The following CHEK2 variants were observed in gnomAD, a reference collection of about 807,000 sequenced individuals.
CHEK2 encodes checkpoint kinase 2, also known as serine/threonine-protein kinase Chk2.
Under a neutral mutation model 69.1 loss-of-function variants are expected in CHEK2, and 71 were observed. That is an observed-to-expected ratio of 1.03 (90% CI 0.85 to 1.25). The LOEUF is 1.25. Ranked by LOEUF, CHEK2 falls within the 50% of genes most tolerant of loss-of-function variation. CHEK2 has a pLI of 0.00. For synonymous variants in CHEK2, 189 were observed against 226.9 expected (o/e 0.83, Z 1.50); for missense variants, 664 against 649.6 (o/e 1.02, Z -0.24).
chr22:28,716,740 T>C (rs774134272), intron 5 of CHEK2, among the ~76,000 whole-genome samples: 1 of 152,212 alleles, frequency 6.6e-6, no homozygotes, highest in Non-Finnish European at 1.5e-5. Context: ...ATGAAGAACA[T>C]TTTGTAATGT....
In CHEK2 at chr22:28,725,259, T is replaced by C. The variant is rs587782300; in HGVS notation, c.428A>G (p.His143Arg). Reference protein sequence around the residue: ...TDKYRTYSKKHFRIFREVGPK... With the variant: ...TDKYRTYSKKRFRIFREVGPK... Reference sequence around the variant, plus strand: ...ATTACCTACCCTGAAAATCCGAAAGTGTTTCTTGCTGTATGTTCGGTATTT... The same window carrying C: ...ATTACCTACCCTGAAAATCCGAAAGCGTTTCTTGCTGTATGTTCGGTATTT... Residue 143 changes from histidine (H) to arginine (R), a missense_variant, in exon 3 of 15, where the codon CAC becomes CGC. Coordinates refer to ENST00000404276, the MANE Select transcript of CHEK2 (RefSeq NM_007194.4). The C allele has an allele frequency of 2.2e-5, 35 of 1,613,994 alleles. No individual in the cohort carries two copies. Among genetic ancestry groups the C allele is most frequent in the Non-Finnish European group, 2.9e-5 (34 of 1,180,030 alleles).
At chr22:28,718,583 T>C (rs1234029445) in intron 5 of CHEK2, among the ~76,000 whole-genome samples, 1 of 152,060 alleles carries the variant, frequency 6.6e-6, no homozygotes, top group Non-Finnish European at 1.5e-5. Flanking sequence ...ATATACACAA[T>C]GAAATACTAT....
intron 2 of CHEK2, among the ~76,000 whole-genome samples, chr22:28,729,599 T>C (rs2054132151): frequency 2.9e-5 from 4 of 139,388 alleles, no homozygotes. Flanking sequence ...TGGTTTAACA[T>C]CTGAAAACCA....
intron 13 of CHEK2, among the ~76,000 whole-genome samples, chr22:28,690,051 AC>A (rs1302207444): frequency 3.3e-5 from 5 of 152,152 alleles, no homozygotes; most frequent in Admixed American, 2.6e-4. Flanking sequence ...CAGAATACAG[AC>A]CCAGAGTTAT....
intron 5 of CHEK2, among the ~76,000 whole-genome samples, chr22:28,713,251 A>C (rs541887102): frequency 6.6e-6 from 1 of 152,300 alleles, no homozygotes; most frequent in East Asian, 1.9e-4. Context: ...CCTTTTGTAA[A>C]TGGTTTCTTC....
intron 1 of CHEK2, chr22:28,737,340 A>C: frequency 2.2e-6 from 1 of 463,040 alleles, no homozygotes; most frequent in Non-Finnish European, 4.4e-6. Flanking sequence ...AGTAAAAGGA[A>C]ACACTTTACA....
At chr22:28,714,811 T>C (rs530903786) in intron 5 of CHEK2, among the ~76,000 whole-genome samples, 2 of 152,306 alleles carry the variant, frequency 1.3e-5, no homozygotes, top group African/African-American at 2.4e-5. Context: ...TTAATTCTTA[T>C]GTATGGTATG....
At chr22:28,701,676 CT>C (rs1259018573) in intron 8 of CHEK2, among the ~76,000 whole-genome samples, 1 of 152,150 alleles carries the variant, frequency 6.6e-6, no homozygotes, top group Non-Finnish European at 1.5e-5. Context: ...GGAAGTTATT[CT>C]GATTACACCA....
intron 7 of CHEK2, among the ~76,000 whole-genome samples, chr22:28,707,078 T>C (rs927886347): frequency 6.6e-6 from 1 of 152,126 alleles, no homozygotes; most frequent in Non-Finnish European, 1.5e-5. Flanking sequence ...TAACAGAGCA[T>C]GAAGAGGTGT....
Position 28,696,732 on chromosome 22 carries a change from C to T in CHEK2, c.1095+169G>A, listed in dbSNP as rs17507066. 0.07 allele frequency among the ~76,000 whole-genome samples: 10,588 copies of T among 152,226 alleles called. 534 individuals carry two copies. The highest frequency in any genetic ancestry group is 0.12 in the South Asian group (569 of 4,830). On this transcript the variant is annotated intron_variant, in intron 10 of 14. Transcript: ENST00000404276. ...TGTACACAACAGAGCTCAATAAATG[C>T]TCATTCGAATCTGGATAAGAGCAGT...
intron 4 of CHEK2, among the ~76,000 whole-genome samples, chr22:28,724,135 C>T (rs910813914): frequency 2.6e-5 from 4 of 151,880 alleles, no homozygotes; most frequent in Non-Finnish European, 5.9e-5. Context: ...ATGGGCCAGG[C>T]GGGGGCTCAC....
At chr22:28,710,852 G>C (rs2053366421) in intron 6 of CHEK2, among the ~76,000 whole-genome samples, 1 of 152,096 alleles carries the variant, frequency 6.6e-6, no homozygotes, top group African/African-American at 2.4e-5. Flanking sequence ...TGGTCACAAA[G>C]GTCCAATCTG....
chr22:28,696,956 T>C lies in CHEK2; in HGVS notation c.1040A>G (p.Asp347Gly). Residue 347 changes from aspartate to glycine, a missense_variant, in exon 10 of 15, where the codon GAC (aspartate) becomes GGC (glycine). Physicochemically the swap from Asp to Gly is moderately conservative, Grantham distance 94. Transcript: ENST00000404276. ...YLHENGIIHR[D>G]LKPENVLLSS... The stretch of plus-strand genomic sequence containing the variant: ...CAGTAAAACATTCTCTGGCTTTAAG[T>C]CACGGTGTATAATACCGTTTTCATG... 1 of 1,613,424 alleles carries C rather than the reference T, an allele frequency of 6.2e-7. No individual in the cohort carries two copies. Among genetic ancestry groups the C allele is most frequent in the Non-Finnish European group, 8.5e-7 (1 of 1,179,394 alleles).
intron 1 of CHEK2, among the ~76,000 whole-genome samples, chr22:28,736,195 T>C (rs1463905666): frequency 6.6e-6 from 1 of 152,224 alleles, no homozygotes; most frequent in Non-Finnish European, 1.5e-5. Flanking sequence ...AGAATGGTTT[T>C]ATTTAGACAT....
chr22:28,719,122 G>A (rs1386419421), intron 5 of CHEK2, among the ~76,000 whole-genome samples: 2 of 151,804 alleles, frequency 1.3e-5, no homozygotes, highest in African/African-American at 4.8e-5. Flanking sequence ...CCTTGACCTG[G>A]GAGATCAAGG....
chr22:28,730,650 G>A, intron 2 of CHEK2: 1 of 489,650 alleles, frequency 2.0e-6, no homozygotes, highest in African/African-American at 2.0e-5. Flanking sequence ...CCGAGGGCAG[G>A]AGTTCGAGAC....
chr22:28,699,667 G>C (rs1224949423), intron 9 of CHEK2, 171 bp downstream of exon 9: 4 of 650,218 alleles, frequency 6.2e-6, no homozygotes, highest in Non-Finnish European at 1.1e-5. Context: ...TCGCCAGTGA[G>C]AGCTTTTTCA....
chr22:28,703,324 A>G (rs1441141864), intron 8 of CHEK2, among the ~76,000 whole-genome samples, 181 bp downstream of exon 8: 1 of 152,080 alleles, frequency 6.6e-6, no homozygotes, highest in Non-Finnish European at 1.5e-5. Flanking sequence ...CTATTTTTGG[A>G]AACATTGGAG....
At chr22:28,737,227 T>C (rs758640548) in intron 1 of CHEK2, 1 of 460,154 alleles carries the variant, frequency 2.2e-6, no homozygotes, top group Non-Finnish European at 4.4e-6. Context: ...TTTTCCTTCT[T>C]CACAATTTCA....
Sources: allele counts gnomAD v4.1 joint callset (sites outside exome capture counted in the v4.1 genomes callset), GRCh38; gene constraint gnomAD v4.1.1; transcripts MANE v1.5; gene names NCBI Gene and HGNC (gene_info 2026-07-23, HGNC 2026-07-21).